Variants in CEP128 observed in about 807,000 individuals in gnomAD.
CEP128 encodes the protein centrosomal protein 128kDa.
A neutral mutation model predicts 156.7 loss-of-function variants in CEP128; 132 were observed. The observed-to-expected ratio is 0.84, with a 90% CI of 0.73 to 0.97. The LOEUF is 0.97. CEP128 is among the 50% of genes least tolerant of loss of function. The pLI is 0.00. For synonymous variants in CEP128, 469 were observed against 448.9 expected (o/e 1.04, Z -0.57); for missense variants, 1,252 against 1,281.9 (o/e 0.98, Z 0.36).
intron 21 of CEP128, among the ~76,000 whole-genome samples, chr14:80,554,387 A>C (rs1890340157): frequency 6.6e-6 from 1 of 152,116 alleles, no homozygotes; most frequent in South Asian, 2.1e-4. Context: ...CAGGATATAA[A>C]ATGGGCATGT....
intron 18 of CEP128, among the ~76,000 whole-genome samples, chr14:80,752,004 A>G (rs1197922879): frequency 6.6e-6 from 1 of 152,190 alleles, no homozygotes; most frequent in Non-Finnish European, 1.5e-5. Flanking sequence ...ATAAGTATCT[A>G]GTAAAACTAC....
At chr14:80,833,308 A>G (rs1165781633) in intron 12 of CEP128, among the ~76,000 whole-genome samples, 2 of 151,720 alleles carry the variant, frequency 1.3e-5, no homozygotes, top group East Asian at 1.9e-4. Context: ...GTATGTATAC[A>G]TATATGTATA....
At chr14:80,744,198 T>C (rs1016225814) in intron 18 of CEP128, among the ~76,000 whole-genome samples, 2 of 152,116 alleles carry the variant, frequency 1.3e-5, no homozygotes, top group African/African-American at 4.8e-5. Flanking sequence ...AATATTTAGA[T>C]ATTTAAAACA....
chr14:80,872,141 T>C (rs1049139972), intron 8 of CEP128, among the ~76,000 whole-genome samples: 1 of 152,110 alleles, frequency 6.6e-6, no homozygotes, highest in Non-Finnish European at 1.5e-5. Context: ...AAAACTAAAA[T>C]AGAATTGACT....
chr14:80,558,830 G>T (rs1444068901), intron 21 of CEP128, among the ~76,000 whole-genome samples: 1 of 152,192 alleles, frequency 6.6e-6, no homozygotes, highest in Middle Eastern at 3.2e-3. Context: ...TTCAGAAAAA[G>T]CTGGCATGCT....
At chr14:80,538,241 A>C (rs376120475) in intron 21 of CEP128, among the ~76,000 whole-genome samples, 17 of 152,296 alleles carry the variant, frequency 1.1e-4, no homozygotes, top group African/African-American at 4.1e-4. Flanking sequence ...AATTAGAGTT[A>C]ATAAAAACTA....
chr14:80,613,747 C>T (rs1013299337), intron 19 of CEP128, among the ~76,000 whole-genome samples: 1 of 152,028 alleles, frequency 6.6e-6, no homozygotes, highest in Non-Finnish European at 1.5e-5. Context: ...AACTTTGATT[C>T]TAATTTTGAT....
rs753675587 is a variant in CEP128 at position 80,505,005 on chromosome 14, GAAAGGTTCTGTCACCCTAAGGAAAA to G, written c.3073-10_3087del. Reference sequence around the variant, plus strand: ...AACCCACGAGTGTGGGAACCTTCCAGAAAGGTTCTGTCACCCTAAGGAAAAAAAGGCACAGCATTTCAATGATTAC... The same window carrying G: ...AACCCACGAGTGTGGGAACCTTCCAGAAAGGCACAGCATTTCAATGATTAC... On this transcript the variant is annotated splice_acceptor_variant and splice_polypyrimidine_tract_variant and coding_sequence_variant and intron_variant, in exon 24 of 25. Transcript: ENST00000555265. LOFTEE classifies it high-confidence loss of function. 21 of 1,593,100 alleles carry G rather than the reference GAAAGGTTCTGTCACCCTAAGGAAAA, an allele frequency of 1.3e-5. No individual in the cohort carries two copies. Among genetic ancestry groups the G allele is most frequent in the Non-Finnish European group, 1.1e-5 (13 of 1,167,696 alleles).
intron 14 of CEP128, among the ~76,000 whole-genome samples, chr14:80,792,518 G>GGGTA (rs1901764450): frequency 6.6e-6 from 1 of 152,058 alleles, no homozygotes; most frequent in Non-Finnish European, 1.5e-5. Context: ...TTGGGGCAAG[G>GGGTA]GGTACATCTA....
At chr14:80,498,871 G>T (rs374824555) in intron 24 of CEP128, among the ~76,000 whole-genome samples, 26 of 152,312 alleles carry the variant, frequency 1.7e-4, no homozygotes, top group African/African-American at 6.3e-4. Flanking sequence ...CTGAATATAG[G>T]TGAGGGATTT....
intron 5 of CEP128, 29 bp from the exon 6 acceptor site, chr14:80,904,960 T>C (rs780515915): frequency 8.2e-7 from 1 of 1,221,084 alleles, no homozygotes; most frequent in South Asian, 1.2e-5. Context: ...AGGGAAGGTA[T>C]TAAAATACTG....
chr14:80,535,467 T>C (rs1889441245), intron 21 of CEP128, among the ~76,000 whole-genome samples: 1 of 152,244 alleles, frequency 6.6e-6, no homozygotes, highest in East Asian at 1.9e-4. Context: ...ACTTTGAAGA[T>C]GTGTCCTTGA....
rs1898934388 is a variant in CEP128, at chr14:80,743,394, T to G, written c.2614-127A>C. The stretch of plus-strand genomic sequence containing the variant: ...GATAATTACCAAATTTTTGCAAAAT[T>G]TTAAAATATCCATGTTTAATTTGCA... On this transcript the variant is annotated intron_variant, in intron 18 of 24. Transcript: ENST00000555265. 4 of 695,710 alleles carry G rather than the reference T, an allele frequency of 5.7e-6. No homozygotes were observed. The East Asian group carries it at 1.1e-4, about 19-fold the overall frequency. 43.1% of individuals were successfully genotyped at this position (695,710 alleles called of 1,614,324 possible).
Position 80,509,083 on chromosome 14 carries a change from CCTCA to C in CEP128, c.3073-4067_3073-4064del, listed in dbSNP as rs996462662. Among the ~76,000 whole-genome samples, 8 of 152,070 alleles carry C rather than the reference CCTCA, an allele frequency of 5.3e-5. No individual in the cohort carries two copies. In the East Asian group the frequency reaches 5.8e-4, roughly 11 times the overall value. Reference sequence around the variant, plus strand: ...AAACCATCAGATCTTGTGAGAACTCCCTCACTATCACAAGAACAGCATGGGGAAA... The same window carrying C: ...AAACCATCAGATCTTGTGAGAACTCCCTATCACAAGAACAGCATGGGGAAA... On this transcript the variant is annotated intron_variant, in intron 23 of 24. Coordinates refer to ENST00000555265, the MANE Select transcript of CEP128 (RefSeq NM_152446.5).
chr14:80,952,164 A>C (rs1313833584), intron 2 of CEP128, among the ~76,000 whole-genome samples: 3 of 152,106 alleles, frequency 2.0e-5, no homozygotes, highest in Non-Finnish European at 2.9e-5. Context: ...AACTTGACCT[A>C]ATCACATTTG....
At chr14:80,577,740 C>G (rs1198791675) in intron 20 of CEP128, among the ~76,000 whole-genome samples, 2 of 152,142 alleles carry the variant, frequency 1.3e-5, no homozygotes, top group Non-Finnish European at 2.9e-5. Flanking sequence ...TCTCTTATTT[C>G]AAACCCTTTT....
At chr14:80,565,502 T>A (rs1452774841) in intron 20 of CEP128, among the ~76,000 whole-genome samples, 2 of 152,164 alleles carry the variant, frequency 1.3e-5, no homozygotes, top group Non-Finnish European at 2.9e-5. Context: ...TCTTTCACCA[T>A]CACAATTCCC....
At position 80,887,124 on chromosome 14, in the gene CEP128, A is replaced by G. The variant is rs137968304; in HGVS notation, c.645+8594T>C. The stretch of plus-strand genomic sequence containing the variant: ...CCAATACAGGAGCATCCAGATTCAT[A>G]AAGCAAGTACTTAGAGATCTACAAA... On this transcript the variant is annotated intron_variant, in intron 8 of 24. Transcript: ENST00000555265. Among the ~76,000 whole-genome samples, 102 of 152,350 alleles carry G rather than the reference A, an allele frequency of 6.7e-4. 1 individual carries two copies. Among genetic ancestry groups the G allele is most frequent in the Middle Eastern group, 3.4e-3 (1 of 294 alleles).
At chr14:80,771,914 C>T (rs532873361) in intron 16 of CEP128, among the ~76,000 whole-genome samples, 4 of 152,300 alleles carry the variant, frequency 2.6e-5, no homozygotes, top group Non-Finnish European at 5.9e-5. Flanking sequence ...GCTGGGAGCT[C>T]TTAGGTAAGT....
Sources: gnomAD v4.1 joint callset for allele counts (sites outside exome capture counted in the v4.1 genomes callset) on GRCh38, gnomAD v4.1.1 for gene constraint, MANE v1.5 for transcripts, NCBI Gene and HGNC (gene_info 2026-07-23, HGNC 2026-07-21) for gene names.